OTOF: variants seen among roughly 807,000 people sequenced by gnomAD.
The protein encoded by OTOF is fer-1-like family member 2.
Under a neutral mutation model 236.8 loss-of-function variants are expected in OTOF, and 218 were observed. That is an observed-to-expected ratio of 0.92 (90% CI 0.82 to 1.03). OTOF has a LOEUF of 1.03. Ranked by LOEUF, OTOF falls within the 50% of genes least tolerant of loss-of-function variation. The pLI is 0.00. For synonymous variants in OTOF, 1,041 were observed against 1,072.5 expected (o/e 0.97, Z 0.57); for missense variants, 2,590 against 2,694.4 (o/e 0.96, Z 0.86).
Position 26,458,017 on chromosome 2 carries a change from C to T in OTOF, c.*221G>A, listed in dbSNP as rs773004944. On this transcript the variant is annotated 3_prime_UTR_variant, in exon 47 of 47. Transcript: ENST00000272371. ...AAGGAAATGCGGCAGGGCTGGGGAG[C>T]GGCTGGCGGGAGCTGGCGGCCTTCA... 9 of 1,604,838 alleles carry T rather than the reference C, an allele frequency of 5.6e-6. No homozygotes were observed. The highest frequency in any genetic ancestry group is 4.0e-5 in the African/African-American group (3 of 74,838).
intron 24 of OTOF, 143 bp downstream of exon 24, chr2:26,475,771 C>A: frequency 9.1e-7 from 1 of 1,104,296 alleles, no homozygotes; most frequent in Non-Finnish European, 1.3e-6. Flanking sequence ...ATCTGCAGGG[C>A]TTCCCCTGAG....
chr2:26,541,816 A>G (rs1455216145), intron 1 of OTOF, among the ~76,000 whole-genome samples: 2 of 152,262 alleles, frequency 1.3e-5, no homozygotes, highest in Non-Finnish European at 2.9e-5. Context: ...AGCTTGAAAG[A>G]AAATAGCCTC....
chr2:26,490,378 G>A (rs1295649938), intron 9 of OTOF, among the ~76,000 whole-genome samples: 1 of 152,212 alleles, frequency 6.6e-6, no homozygotes, highest in Non-Finnish European at 1.5e-5. Context: ...GGTGTGCCAA[G>A]CACTTAGTTG....
chr2:26,513,548 G>A (rs1007132323), intron 5 of OTOF, among the ~76,000 whole-genome samples: 2 of 152,180 alleles, frequency 1.3e-5, no homozygotes, highest in South Asian at 2.1e-4. Context: ...GCCAGGGAGC[G>A]GCTGATCCCC....
Position 26,460,632 on chromosome 2 carries a change from C to G in OTOF, c.5813+15G>C, listed in dbSNP as rs371649088. 24 of 1,605,070 alleles carry G rather than the reference C, an allele frequency of 1.5e-5. No individual in the cohort carries two copies. The highest frequency in any genetic ancestry group is 2.0e-5 in the Non-Finnish European group (23 of 1,172,304). On this transcript the variant is annotated intron_variant, in intron 45 of 46. Transcript: ENST00000272371. The surrounding 1 kb of genome is among the most constrained non-coding windows in gnomAD (Gnocchi z 5.3). ...GAGCCAGAGTGGGGAGGGGCTGGGC[C>G]GGCAGGGCACTCACTTGGGTTTCTC...
intron 9 of OTOF, among the ~76,000 whole-genome samples, chr2:26,492,050 G>A (rs577509811): frequency 6.6e-6 from 1 of 152,354 alleles, no homozygotes; most frequent in African/African-American, 2.4e-5. Flanking sequence ...CCACGACGAG[G>A]AGGATGTCCT....
In OTOF at chr2:26,462,528, G is replaced by A. The variant is rs747385265; in HGVS notation, c.5193-347C>T. 1.4e-4 allele frequency among the ~76,000 whole-genome samples: 22 copies of A among 152,330 alleles called. No individual in the cohort carries two copies. Among genetic ancestry groups the A allele is most frequent in the Non-Finnish European group, 2.8e-4 (19 of 68,032 alleles). ...TCCCCAAAGAGGATTTTCCCCTCAA[G>A]GTTTAATTGTAATTATGAATGATGT... On this transcript the variant is annotated intron_variant, in intron 41 of 46. Coordinates refer to ENST00000272371, the MANE Select transcript of OTOF (RefSeq NM_194248.3). This position sits in a 1 kb window ranked among gnomAD's most constrained non-coding sequence, Gnocchi z 4.7.
chr2:26,506,675 T>C (rs1486504717), intron 5 of OTOF, among the ~76,000 whole-genome samples: 1 of 152,140 alleles, frequency 6.6e-6, no homozygotes, highest in Non-Finnish European at 1.5e-5. Context: ...CACAAACAGA[T>C]TTGAAAGAAA....
intron 1 of OTOF, among the ~76,000 whole-genome samples, chr2:26,551,649 C>T (rs1667465218): frequency 6.6e-6 from 1 of 152,204 alleles, no homozygotes; most frequent in African/African-American, 2.4e-5. Context: ...CCACCATCCC[C>T]CAGTGCGTGG....
chr2:26,530,586 C>T (rs1329217107), intron 2 of OTOF, among the ~76,000 whole-genome samples: 1 of 152,122 alleles, frequency 6.6e-6, no homozygotes, highest in South Asian at 2.1e-4. Flanking sequence ...CCTTTCTTTC[C>T]TCCCCTGTCT....
chr2:26,546,749 T>TG (rs1491414129), intron 1 of OTOF, among the ~76,000 whole-genome samples: 1 of 50,172 alleles, frequency 2.0e-5, no homozygotes, highest in Non-Finnish European at 6.8e-5. Context: ...ACATGTTTGG[T>TG]TTTTTTTTTT....
chr2:26,550,546 C>G (rs1435015187), intron 1 of OTOF, among the ~76,000 whole-genome samples: 3 of 152,168 alleles, frequency 2.0e-5, no homozygotes, highest in Non-Finnish European at 4.4e-5. Context: ...ACCCTGATGT[C>G]TCCATGTTTG....
Position 26,476,030 on chromosome 2 carries a change from C to T in OTOF, c.2875G>A (p.Ala959Thr), listed in dbSNP as rs760536625. The change falls in exon 24 of 47, where the codon GCG becomes ACG. Residue 959 changes from alanine (A) to threonine (T), a missense_variant. Ala to Thr is a moderately conservative substitution (Grantham distance 58). Coordinates refer to ENST00000272371, the MANE Select transcript of OTOF (RefSeq NM_194248.3). ...TACATGTGCGCTCGGAGCTGGAACG[C>T]CTGCTTCTCTGTGGGGAAGGGCAGC... is the stretch of plus-strand genomic sequence containing the variant. ...PVSLVYTKKQ[A>T]FQLRAHMYQA... 6.2e-7 allele frequency: 1 copy of T among 1,612,748 alleles called. No individual in the cohort carries two copies. The highest frequency in any genetic ancestry group is 8.5e-7 in the Non-Finnish European group (1 of 1,179,948).
chr2:26,540,304 T>A (rs1667181479), intron 1 of OTOF, among the ~76,000 whole-genome samples: 1 of 152,206 alleles, frequency 6.6e-6, no homozygotes, highest in Admixed American at 6.5e-5. Context: ...GTTGAAGCCA[T>A]TCCTATTTGG....
At position 26,522,075 on chromosome 2, in the gene OTOF, A is replaced by G. The variant is rs1666690856; in HGVS notation, c.228-2966T>C. Among the ~76,000 whole-genome samples the G allele has an allele frequency of 4.6e-5, 7 of 152,278 alleles. No homozygotes were observed. The South Asian group carries it at 1.5e-3, about 32-fold the overall frequency. Reference sequence around the variant, plus strand: ...GCTGTGCACAGCCTCGCACAGCCAGAGCTTGTCTATGGCCTGGAGGGTGGG... The same window carrying G: ...GCTGTGCACAGCCTCGCACAGCCAGGGCTTGTCTATGGCCTGGAGGGTGGG... On this transcript the variant is annotated intron_variant, in intron 3 of 46. Coordinates refer to ENST00000272371, the MANE Select transcript of OTOF (RefSeq NM_194248.3).
At chr2:26,463,848 G>A (rs1360110483) in intron 40 of OTOF, 116 bp downstream of exon 40, 1 of 1,426,980 alleles carries the variant, frequency 7.0e-7, no homozygotes, top group Admixed American at 1.7e-5. Context: ...GTGCCTGCCA[G>A]GCTTTCTGGA....
intron 8 of OTOF, 30 bp downstream of exon 8, chr2:26,501,724 A>C: frequency 6.4e-7 from 1 of 1,551,414 alleles, no homozygotes; most frequent in South Asian, 1.1e-5. Context: ...CAGAGTCTGA[A>C]AGACATGAGG....
Position 26,476,200 on chromosome 2 carries a change from C to T in OTOF, c.2794G>A (p.Gly932Ser). 4 of 1,610,574 alleles carry T rather than the reference C, an allele frequency of 2.5e-6. No homozygotes were observed. The South Asian group carries it at 3.3e-5, about 13-fold the overall frequency. The change falls in exon 23 of 47, where the codon GGC becomes AGC. Residue 932 changes from glycine (G) to serine (S), a missense_variant. Around this residue, in one of 2 missense-constraint regions of OTOF, gnomAD observed 1,379 missense variants for 1,341.6 expected, o/e 1.03. Coordinates refer to ENST00000272371, the MANE Select transcript of OTOF (RefSeq NM_194248.3). ...TGGGCTGCCTTGACCTCCTGGAAGC[C>T]ACAGGGCAGGCCGCACAGGAACTCC... The part of the protein sequence containing the change: ...RKEFLCGLPC[G>S]FQEVKAAQGL...
At chr2:26,525,633 T>A (rs937182546) in intron 3 of OTOF, among the ~76,000 whole-genome samples, 1 of 152,156 alleles carries the variant, frequency 6.6e-6, no homozygotes, top group Non-Finnish European at 1.5e-5. Context: ...ACTATATGTA[T>A]GATGAGTGAC....
Sources: allele counts gnomAD v4.1 joint callset (sites outside exome capture counted in the v4.1 genomes callset), GRCh38; gene constraint gnomAD v4.1.1; regional missense constraint gnomAD v4.1.1; non-coding constraint Gnocchi (gnomAD v3.1); transcripts MANE v1.5; gene names NCBI Gene and HGNC (gene_info 2026-07-23, HGNC 2026-07-21).